The following LPP variants were observed in gnomAD, a reference collection of about 807,000 sequenced individuals.
LPP encodes the protein LIM domain containing preferred translocation partner in lipoma.
In LPP, 38 loss-of-function variants were observed where a neutral mutation model predicts 60.4. The ratio of observed to expected loss-of-function variants is 0.63; its 90% confidence interval spans 0.49 to 0.83. LPP has a LOEUF of 0.83. Among genes scored for constraint, LPP ranks in the 40% least tolerant of loss-of-function variants. The pLI is 0.00. For synonymous variants in LPP, 328 were observed against 290.8 expected (o/e 1.13, Z -1.30); for missense variants, 902 against 783.6 (o/e 1.15, Z -1.80).
chr3:188,351,930 G>A (rs1439090537), intron 3 of LPP, among the ~76,000 whole-genome samples: 1 of 152,180 alleles, frequency 6.6e-6, no homozygotes, highest in Non-Finnish European at 1.5e-5. Context: ...TCTTTGGAGA[G>A]CTGCAACCTG....
chr3:188,422,361 C>G (rs866013947), intron 4 of LPP, among the ~76,000 whole-genome samples: 1 of 152,146 alleles, frequency 6.6e-6, no homozygotes, highest in Non-Finnish European at 1.5e-5. Context: ...ACATGGAAAT[C>G]ATAAGCATTC....
At position 188,881,553 on chromosome 3, in the gene LPP, C is replaced by T. The variant is rs1356206937; in HGVS notation, c.*7074C>T. ...ACCCAAAGAGAATTTCCCCAAAAAA[C>T]CTCAGACCCAGAAGTGTAAAAGCTA... On this transcript the variant is annotated 3_prime_UTR_variant, in exon 12 of 12. Transcript: ENST00000617246. 4.6e-6 allele frequency: 1 copy of T among 216,518 alleles called. No homozygotes were observed. Among genetic ancestry groups the T allele is most frequent in the South Asian group, 1.9e-4 (1 of 5,384 alleles). 13.4% of individuals were successfully genotyped at this position (216,518 alleles called of 1,614,324 possible). A position where few individuals can be genotyped will look rare whatever the true frequency, so the allele number is the denominator to read the frequency against.
intron 4 of LPP, among the ~76,000 whole-genome samples, chr3:188,442,699 G>A (rs1448594435): frequency 1.3e-5 from 2 of 152,146 alleles, no homozygotes; most frequent in Non-Finnish European, 2.9e-5. Context: ...TGTGGCTGTG[G>A]ATTTAGTTCA....
chr3:188,406,059 T>G, intron 3 of LPP, 53 bp from the exon 4 acceptor site: 2 of 1,443,454 alleles, frequency 1.4e-6, no homozygotes, highest in Non-Finnish European at 1.9e-6. Flanking sequence ...AAATGAGGAG[T>G]ATTGTCTTCG....
chr3:188,623,848 G>C (rs913331895), intron 7 of LPP, among the ~76,000 whole-genome samples: 5 of 152,236 alleles, frequency 3.3e-5, no homozygotes, highest in Non-Finnish European at 7.3e-5. Context: ...GTGTGTGCCA[G>C]ACAATCCTCC....
At chr3:188,398,201 T>G (rs925885823) in intron 3 of LPP, among the ~76,000 whole-genome samples, 2 of 152,224 alleles carry the variant, frequency 1.3e-5, no homozygotes, top group Admixed American at 6.5e-5. Flanking sequence ...CTTAGCTCCT[T>G]GAACTTGTGG....
At chr3:188,309,311 G>A (rs143004126) in intron 2 of LPP, among the ~76,000 whole-genome samples, 6 of 152,140 alleles carry the variant, frequency 3.9e-5, no homozygotes, top group Middle Eastern at 3.4e-3. Flanking sequence ...ATGAGCCACC[G>A]CACCTGTCCG....
At chr3:188,576,434 C>T (rs543586267) in intron 6 of LPP, among the ~76,000 whole-genome samples, 54 of 152,094 alleles carry the variant, frequency 3.6e-4, no homozygotes, top group Non-Finnish European at 7.6e-4. Flanking sequence ...TACCTAGTAC[C>T]TCTATGATTT....
chr3:188,581,879 C>T (rs1836247224), intron 6 of LPP, among the ~76,000 whole-genome samples: 1 of 152,028 alleles, frequency 6.6e-6, no homozygotes. Context: ...CTTATATTTC[C>T]TTTATTATCC....
chr3:188,883,458 C>CT lies in LPP; in HGVS notation c.*8979_*8980insT, dbSNP rs1560347850. 1 of 169,316 alleles carries CT rather than the reference C, an allele frequency of 5.9e-6. No homozygotes were observed. The highest frequency in any genetic ancestry group is 1.2e-5 in the Non-Finnish European group (1 of 83,090). The allele number at this position is 169,316 out of a possible 1,614,324, so 10.5% of individuals were successfully genotyped here. ...TAAAAATGTTAGGAAATGGGCCGGG[C>CT]GCGGTGGCTCGTGCCTGTAATCCAG... On this transcript the variant is annotated 3_prime_UTR_variant, in exon 12 of 12. Transcript: ENST00000617246.
intron 2 of LPP, among the ~76,000 whole-genome samples, chr3:188,244,404 T>TA (rs1308936476): frequency 6.6e-6 from 1 of 152,180 alleles, no homozygotes; most frequent in Non-Finnish European, 1.5e-5. Context: ...GGCACCAGTC[T>TA]AGTGGTCCAA....
intron 7 of LPP, among the ~76,000 whole-genome samples, chr3:188,653,887 G>A (rs548388280): frequency 2.2e-4 from 34 of 152,272 alleles, no homozygotes; most frequent in African/African-American, 7.7e-4. Context: ...TTGTGCCATC[G>A]TATCTGTCCT....
intron 5 of LPP, among the ~76,000 whole-genome samples, chr3:188,505,549 A>G (rs957152149): frequency 6.6e-6 from 1 of 152,226 alleles, no homozygotes; most frequent in Non-Finnish European, 1.5e-5. Flanking sequence ...ATCTTTTCAT[A>G]GATAACACCT....
At chr3:188,743,354 C>T (rs547703063) in intron 8 of LPP, among the ~76,000 whole-genome samples, 5 of 151,928 alleles carry the variant, frequency 3.3e-5, no homozygotes, top group East Asian at 3.9e-4. Flanking sequence ...ACATTTGAGA[C>T]GAAATTGAGG....
At chr3:188,735,858 T>G (rs1577264892) in intron 8 of LPP, among the ~76,000 whole-genome samples, 1 of 152,188 alleles carries the variant, frequency 6.6e-6, no homozygotes, top group Non-Finnish European at 1.5e-5. Context: ...AACTGATCCA[T>G]TGAGCTGTCC....
chr3:188,688,088 A>T (rs6791449), intron 7 of LPP, among the ~76,000 whole-genome samples: 45,971 of 152,072 alleles, frequency 0.3, 7,311 homozygotes, highest in Middle Eastern at 0.48. Context: ...GAGGCACTGC[A>T]TGCCAAATGA....
At chr3:188,546,650 G>A (rs1826738386) in intron 6 of LPP, among the ~76,000 whole-genome samples, 1 of 152,144 alleles carries the variant, frequency 6.6e-6, no homozygotes, top group Non-Finnish European at 1.5e-5. Flanking sequence ...ATTGGAAATA[G>A]GGGCCAATAT....
chr3:188,674,957 T>C (rs1560046690), intron 7 of LPP, among the ~76,000 whole-genome samples: 1 of 152,230 alleles, frequency 6.6e-6, no homozygotes, highest in Non-Finnish European at 1.5e-5. Flanking sequence ...ATATTACTAT[T>C]GTGTTGCATA....
intron 7 of LPP, among the ~76,000 whole-genome samples, chr3:188,651,713 C>T (rs1852120622): frequency 6.6e-6 from 1 of 152,132 alleles, no homozygotes; most frequent in Admixed American, 6.5e-5. Flanking sequence ...CATGGGATCT[C>T]ACGAGACTTA....
Sources: allele counts gnomAD v4.1 joint callset (sites outside exome capture counted in the v4.1 genomes callset), GRCh38; gene constraint gnomAD v4.1.1; transcripts MANE v1.5; gene names NCBI Gene and HGNC (gene_info 2026-07-23, HGNC 2026-07-21).